Variants in FSTL5 observed in about 807,000 individuals in gnomAD.
The protein encoded by FSTL5 is follistatin-related protein 5.
Under a neutral mutation model 89.1 loss-of-function variants are expected in FSTL5, and 62 were observed. The observed-to-expected ratio is 0.70, with a 90% confidence interval of 0.57 to 0.86. The LOEUF is 0.86. Among genes scored for constraint, FSTL5 ranks in the 40% least tolerant of loss-of-function variants. FSTL5 has a pLI of 0.00. For missense variants in FSTL5, 1,057 were observed against 1,001.6 expected (o/e 1.06, Z -0.75); for synonymous variants, 383 against 346.2 (o/e 1.11, Z -1.18).
chr4:161,877,575 C>A (rs1240135719), intron 4 of FSTL5, among the ~76,000 whole-genome samples: 1 of 151,088 alleles, frequency 6.6e-6, no homozygotes, highest in Non-Finnish European at 1.5e-5. Flanking sequence ...TCCTGTAATC[C>A]CAGCACTTTG....
chr4:161,558,896 A>T (rs1473754134), intron 8 of FSTL5, among the ~76,000 whole-genome samples: 1 of 151,778 alleles, frequency 6.6e-6, no homozygotes, highest in Non-Finnish European at 1.5e-5. Flanking sequence ...TTTATTATCA[A>T]TTTGATCTCA....
intron 15 of FSTL5, among the ~76,000 whole-genome samples, chr4:161,451,480 A>G (rs540364598): frequency 6.6e-6 from 1 of 152,204 alleles, no homozygotes; most frequent in Non-Finnish European, 1.5e-5. Context: ...AATTGCAAAT[A>G]ATCAACAGGG....
intron 14 of FSTL5, among the ~76,000 whole-genome samples, chr4:161,457,302 C>T (rs565701922): frequency 8.5e-5 from 13 of 152,174 alleles, no homozygotes; most frequent in Non-Finnish European, 1.6e-4. Flanking sequence ...TCAATTCCTA[C>T]ACTTTATTTT....
chr4:161,744,138 A>G (rs531052442), intron 6 of FSTL5, among the ~76,000 whole-genome samples: 41 of 152,212 alleles, frequency 2.7e-4, no homozygotes, highest in Non-Finnish European at 5.1e-4. Flanking sequence ...TGTGCACACT[A>G]CAAGCAAGAA....
intron 4 of FSTL5, among the ~76,000 whole-genome samples, chr4:161,902,553 T>TA (rs1349441600): frequency 6.6e-6 from 1 of 152,072 alleles, no homozygotes; most frequent in Non-Finnish European, 1.5e-5. Context: ...TTTTTCTTTT[T>TA]AAAAATAATT....
At chr4:161,793,464 G>T (rs962815137) in intron 4 of FSTL5, among the ~76,000 whole-genome samples, 1 of 152,172 alleles carries the variant, frequency 6.6e-6, no homozygotes, top group Admixed American at 6.5e-5. Context: ...ATATATTAGT[G>T]TCAGAACAAA....
chr4:161,761,959 C>T (rs990244590), intron 5 of FSTL5, among the ~76,000 whole-genome samples: 6 of 152,092 alleles, frequency 3.9e-5, no homozygotes, highest in Non-Finnish European at 5.9e-5. Flanking sequence ...TGAGGGGAAG[C>T]TTTGTCACAT....
At chr4:161,678,047 T>A (rs1362468110) in intron 6 of FSTL5, among the ~76,000 whole-genome samples, 1 of 151,732 alleles carries the variant, frequency 6.6e-6, no homozygotes, top group Non-Finnish European at 1.5e-5. Context: ...GAAAAAATAA[T>A]AAACAAAAAC....
intron 2 of FSTL5, among the ~76,000 whole-genome samples, chr4:162,101,154 T>G (rs1300227033): frequency 1.3e-5 from 2 of 152,216 alleles, no homozygotes; most frequent in East Asian, 3.8e-4. Context: ...CACCTGCTTT[T>G]ATTTTCATAG....
At chr4:162,094,626 T>G (rs1730677418) in intron 2 of FSTL5, among the ~76,000 whole-genome samples, 1 of 152,098 alleles carries the variant, frequency 6.6e-6, no homozygotes, top group Admixed American at 6.6e-5. Flanking sequence ...GAATACCTAC[T>G]GTAGGATTCT....
intron 13 of FSTL5, among the ~76,000 whole-genome samples, chr4:161,478,909 C>A (rs62324265): frequency 0.069 from 10,433 of 152,150 alleles, 473 homozygotes; most frequent in Middle Eastern, 0.11. Flanking sequence ...ATCTTGCAAT[C>A]ATCATGTAAA....
intron 4 of FSTL5, among the ~76,000 whole-genome samples, chr4:161,864,745 A>C (rs1732023199): frequency 6.6e-6 from 1 of 151,692 alleles, no homozygotes; most frequent in Non-Finnish European, 1.5e-5. Context: ...GGTGGTGTGC[A>C]CCTGTAGTCC....
intron 10 of FSTL5, among the ~76,000 whole-genome samples, chr4:161,527,846 G>A (rs1464024783): frequency 2.0e-5 from 3 of 151,090 alleles, no homozygotes; most frequent in Admixed American, 6.6e-5. Context: ...ACATGCACAC[G>A]TATGTTTGTT....
intron 4 of FSTL5, among the ~76,000 whole-genome samples, chr4:161,837,401 TAAATG>T (rs1469864063): frequency 6.6e-6 from 1 of 152,066 alleles, no homozygotes; most frequent in Non-Finnish European, 1.5e-5. Context: ...CTATAAAAGT[TAAATG>T]AAATAAGTTC....
intron 15 of FSTL5, among the ~76,000 whole-genome samples, chr4:161,428,410 C>T (rs1275595850): frequency 2.0e-5 from 3 of 152,180 alleles, no homozygotes; most frequent in Middle Eastern, 3.2e-3. Flanking sequence ...CGTGGTTGCA[C>T]CACCCCTCCG....
intron 3 of FSTL5, among the ~76,000 whole-genome samples, chr4:161,970,693 A>C (rs904326233): frequency 6.6e-6 from 1 of 152,110 alleles, no homozygotes; most frequent in Non-Finnish European, 1.5e-5. Context: ...CAAGTTTTCT[A>C]AAAGGTATAA....
chr4:162,163,356 A>AT lies in FSTL5; in HGVS notation c.-17+258dup, dbSNP rs1733761980. Among the ~76,000 whole-genome samples the AT allele has an allele frequency of 4.6e-5, 7 of 151,258 alleles. No individual in the cohort carries two copies. The South Asian group carries it at 1.5e-3, about 31-fold the overall frequency. ...TTATATTTATAAAGCAAGATATAAC[A>AT]TAATGACATCAACTTCACAAAAAGC... On this transcript the variant is annotated intron_variant, in intron 1 of 15. Coordinates refer to ENST00000306100, the MANE Select transcript of FSTL5 (RefSeq NM_020116.5).
intron 6 of FSTL5, among the ~76,000 whole-genome samples, chr4:161,693,188 G>T (rs945361826): frequency 2.0e-5 from 3 of 152,140 alleles, no homozygotes; most frequent in Non-Finnish European, 4.4e-5. Context: ...CAAACATGCT[G>T]TTGAATTTGG....
intron 1 of FSTL5, among the ~76,000 whole-genome samples, chr4:162,117,278 T>A (rs1422331601): frequency 3.9e-5 from 6 of 152,198 alleles, no homozygotes. Context: ...CAATATAGTG[T>A]AGCACCTGTA....
Sources: allele counts gnomAD v4.1 joint callset (sites outside exome capture counted in the v4.1 genomes callset), GRCh38; gene constraint gnomAD v4.1.1; transcripts MANE v1.5; gene names NCBI Gene and HGNC (gene_info 2026-07-23, HGNC 2026-07-21).